NRG1: variants seen among roughly 807,000 people sequenced by gnomAD.
NRG1 encodes pro-neuregulin-1, membrane-bound isoform.
A neutral mutation model predicts 63.8 loss-of-function variants in NRG1; 18 were observed. That is an observed-to-expected ratio of 0.28 (90% CI 0.19 to 0.42). The LOEUF is 0.42. Ranked by LOEUF, NRG1 falls within the 10% of genes least tolerant of loss-of-function variation. The pLI, the probability that NRG1 is intolerant of heterozygous loss-of-function variation, is 1.00. For missense variants in NRG1, 762 were observed against 814.7 expected, an observed-to-expected ratio of 0.94 and a Z score of 0.79; for synonymous variants, 302 against 301.3, an observed-to-expected ratio of 1.00 and a Z score of -0.02.
chr8:32,101,478 ATT>A (rs35098830), intron 1 of NRG1, among the ~76,000 whole-genome samples: 4,576 of 140,170 alleles, frequency 0.033, 104 homozygotes, highest in African/African-American at 0.067. Context: ...TAGAAAGCAG[ATT>A]TTTTTTTTTT....
chr8:32,753,992 G>GCTTTTTATA lies in NRG1; in HGVS notation c.692-379_692-371dup, dbSNP rs1829212918. ...GTTGATTCCTGTTGTCTTTGCAAGA[G>GCTTTTTATA]CTTTTTATATTTTATTTTGCAAGAG... is the stretch of plus-strand genomic sequence containing the variant. On this transcript the variant is annotated intron_variant, in intron 7 of 11. Transcript: ENST00000356819. 2.0e-5 allele frequency among the ~76,000 whole-genome samples: 3 copies of GCTTTTTATA among 151,494 alleles called. No individual in the cohort carries two copies. The South Asian group carries it at 6.2e-4, about 32-fold the overall frequency.
chr8:31,782,685 C>G (rs1475518983), intron 1 of NRG1, among the ~76,000 whole-genome samples: 2 of 152,122 alleles, frequency 1.3e-5, no homozygotes, highest in African/African-American at 4.8e-5. Context: ...CGATAGAGAT[C>G]AGAGGTTCTT....
At position 32,318,144 on chromosome 8, in the gene NRG1, T is replaced by C. The variant is rs550108875; in HGVS notation, c.38-277684T>C. 3.4e-4 allele frequency among the ~76,000 whole-genome samples: 52 copies of C among 152,304 alleles called. No homozygotes were observed. The South Asian group carries it at 8.1e-3, about 24-fold the overall frequency. ...CAGAAGGCAAGGGTATGGAAAACTT[T>C]AAGAAATTGTAAGCTTAGGACTTTA... On this transcript the variant is annotated intron_variant, in intron 1 of 10. Transcript: ENST00000519301.
At chr8:32,501,222 T>G (rs1412186685) in intron 1 of NRG1, among the ~76,000 whole-genome samples, 3 of 152,146 alleles carry the variant, frequency 2.0e-5, no homozygotes, top group Admixed American at 1.3e-4. Context: ...ATAAAGAAAT[T>G]TGGTTGTTTC....
intron 5 of NRG1, among the ~76,000 whole-genome samples, chr8:32,651,339 G>T (rs1258517919): frequency 6.6e-6 from 1 of 151,984 alleles, no homozygotes; most frequent in Non-Finnish European, 1.5e-5. Flanking sequence ...TATGGTTAAT[G>T]GTTTCCCACT....
At chr8:32,411,336 CAA>C (rs1309874808) in intron 1 of NRG1, among the ~76,000 whole-genome samples, 4 of 152,146 alleles carry the variant, frequency 2.6e-5, no homozygotes, top group African/African-American at 9.6e-5. Flanking sequence ...GTGTGGGACA[CAA>C]AATAGGAAGA....
chr8:32,570,309 T>C (rs1838307074), intron 1 of NRG1, among the ~76,000 whole-genome samples: 1 of 152,246 alleles, frequency 6.6e-6, no homozygotes, highest in Admixed American at 6.5e-5. Flanking sequence ...TGTGCATTCA[T>C]TTATTCAACA....
At chr8:31,914,559 G>A (rs1173022332) in intron 1 of NRG1, among the ~76,000 whole-genome samples, 3 of 151,950 alleles carry the variant, frequency 2.0e-5, no homozygotes, top group Admixed American at 6.6e-5. Flanking sequence ...TTAATCCATC[G>A]TAGATCTGCT....
intron 1 of NRG1, among the ~76,000 whole-genome samples, chr8:32,245,646 C>T (rs1410266200): frequency 1.3e-5 from 2 of 152,028 alleles, no homozygotes; most frequent in Non-Finnish European, 2.9e-5. Flanking sequence ...CTCTTTTGAT[C>T]AAAAATAATC....
chr8:32,507,838 C>G (rs1039072579), intron 1 of NRG1, among the ~76,000 whole-genome samples: 1 of 152,090 alleles, frequency 6.6e-6, no homozygotes, highest in Non-Finnish European at 1.5e-5. Context: ...GCTGGGATTA[C>G]AGGCATGTAA....
At chr8:32,252,855 TC>T (rs1200238168) in intron 1 of NRG1, among the ~76,000 whole-genome samples, 2 of 152,212 alleles carry the variant, frequency 1.3e-5, no homozygotes, top group African/African-American at 4.8e-5. Flanking sequence ...TTTGTTTGTA[TC>T]CTCTCTTATT....
chr8:32,650,526 T>G (rs1373307882), intron 5 of NRG1, among the ~76,000 whole-genome samples: 1 of 151,024 alleles, frequency 6.6e-6, no homozygotes, highest in East Asian at 1.9e-4. Context: ...TTTTTGGGGG[T>G]GGGGAGAGGT....
chr8:32,008,184 T>C (rs1814094239), intron 1 of NRG1, among the ~76,000 whole-genome samples: 1 of 152,038 alleles, frequency 6.6e-6, no homozygotes, highest in Admixed American at 6.6e-5. Flanking sequence ...AAGAAGAGTG[T>C]CGGCTCACTT....
chr8:32,374,627 A>G (rs961486872), intron 1 of NRG1, among the ~76,000 whole-genome samples: 9 of 152,112 alleles, frequency 5.9e-5, no homozygotes, highest in Non-Finnish European at 1.0e-4. Context: ...GCCTCCCAAC[A>G]TCTTCACCTC....
At chr8:31,817,667 A>G (rs1256392745) in intron 1 of NRG1, among the ~76,000 whole-genome samples, 2 of 152,206 alleles carry the variant, frequency 1.3e-5, no homozygotes, top group Non-Finnish European at 2.9e-5. Context: ...AAACTTTCTC[A>G]GCATTGAGGC....
In NRG1 at chr8:32,527,113, A is replaced by G. The variant is rs201823115; in HGVS notation, c.38-68715A>G. Reference sequence around the variant, plus strand: ...TCAAAGAATTAAAAATAGAACTACCATTCGATCCAGCAATCCCACTACTTG... The same window carrying G: ...TCAAAGAATTAAAAATAGAACTACCGTTCGATCCAGCAATCCCACTACTTG... On this transcript the variant is annotated intron_variant, in intron 1 of 10. Coordinates refer to the NRG1 transcript ENST00000519301. Among the ~76,000 whole-genome samples the G allele has an allele frequency of 1.2e-4, 18 of 152,314 alleles. No individual in the cohort carries two copies. The East Asian group carries it at 3.5e-3, about 29-fold the overall frequency.
chr8:32,629,931 A>G (rs1425796416), intron 5 of NRG1, among the ~76,000 whole-genome samples: 1 of 152,178 alleles, frequency 6.6e-6, no homozygotes, highest in East Asian at 1.9e-4. Flanking sequence ...AGATGACAAT[A>G]ATATATTTTA....
In NRG1 at chr8:32,180,292, C is replaced by T. The variant is rs1841295143; in HGVS notation, c.38-415536C>T. Among the ~76,000 whole-genome samples the T allele has an allele frequency of 2.6e-5, 4 of 152,252 alleles. No individual in the cohort carries two copies. In the South Asian group the frequency reaches 8.3e-4, roughly 32 times the overall value. ...CTGCACAAATTACCCTTCCAATTTT[C>T]TCCAGCTAAACAATCTAATCCAGGG... On this transcript the variant is annotated intron_variant, in intron 1 of 10. Transcript: ENST00000519301.
At chr8:31,849,567 G>A (rs1827018176) in intron 1 of NRG1, among the ~76,000 whole-genome samples, 1 of 152,174 alleles carries the variant, frequency 6.6e-6, no homozygotes, top group African/African-American at 2.4e-5. Flanking sequence ...TATTTCTTAT[G>A]AGAAAGCCAC....
Sources: gnomAD v4.1 joint callset for allele counts (sites outside exome capture counted in the v4.1 genomes callset) on GRCh38, gnomAD v4.1.1 for gene constraint, MANE v1.5 for transcripts, NCBI Gene and HGNC (gene_info 2026-07-23, HGNC 2026-07-21) for gene names.